The following ZDHHC16 variants were observed in gnomAD, a reference collection of about 807,000 sequenced individuals.
The protein encoded by ZDHHC16 is palmitoyltransferase ZDHHC16.
In ZDHHC16, 33 loss-of-function variants were observed where a neutral mutation model predicts 54.4. The observed-to-expected ratio is 0.61, with a 90% CI of 0.46 to 0.81. ZDHHC16 has a LOEUF of 0.81. Ranked by LOEUF, ZDHHC16 falls within the 30% of genes least tolerant of loss-of-function variation. The pLI, the probability that ZDHHC16 is intolerant of heterozygous loss-of-function variation, is 0.00. For synonymous variants in ZDHHC16, 185 were observed against 182.1 expected, an observed-to-expected ratio of 1.02 and a Z score of -0.13; for missense variants, 420 against 485.9, an observed-to-expected ratio of 0.86 and a Z score of 1.28.
At position 97,455,603 on chromosome 10, in the gene ZDHHC16, C is replaced by T. The variant is rs773853706; in HGVS notation, c.825-57C>T. On this transcript the variant is annotated intron_variant, in intron 9 of 11. Coordinates refer to ENST00000393760, the MANE Select transcript of ZDHHC16 (RefSeq NM_198046.3). ...TGTTACTGCTTAGCTCAATTTCAGACATACTTCCTCCAGCCCTCTCTAAAC... is the reference window on the plus strand; with the variant it reads ...TGTTACTGCTTAGCTCAATTTCAGATATACTTCCTCCAGCCCTCTCTAAAC... The T allele has an allele frequency of 1.8e-5, 29 of 1,613,516 alleles. No individual in the cohort carries two copies. In the East Asian group the frequency reaches 3.6e-4, roughly 20 times the overall value.
Position 97,452,436 on chromosome 10 carries a change from G to A in ZDHHC16, c.460G>A (p.Val154Ile), listed in dbSNP as rs141602921. Residue 154 changes from valine to isoleucine, a missense_variant, in exon 5 of 12, where the codon GTC (valine) becomes ATC (isoleucine). By Grantham distance (29) the Val-to-Ile change is conservative. Coordinates refer to ENST00000393760, the MANE Select transcript of ZDHHC16 (RefSeq NM_198046.3). ...PPQGRNDIATVSICKKCIYPK... is the reference protein window; with the variant it reads ...PPQGRNDIATISICKKCIYPK... ...ACAGGGCAGGAATGATATCGCCACC[G>A]TCTCCATCTGTAAGAAGTGCATTTA... The A allele has an allele frequency of 1.9e-5, 30 of 1,614,164 alleles. No individual in the cohort carries two copies. The highest frequency in any genetic ancestry group is 1.6e-4 in the African/African-American group (12 of 75,040).
chr10:97,451,788 G>A lies in ZDHHC16; in HGVS notation c.113G>A (p.Arg38His), dbSNP rs139088337. ...CCTCTACTCCGGGGTCTAGTACAGC[G>A]CTGGCGCTACGGCAAGGTCTGCCTG... ...CPPLLRGLVQRWRYGKVCLRS... is the reference protein window; with the variant it reads ...CPPLLRGLVQHWRYGKVCLRS... Residue 38 changes from arginine to histidine, a missense_variant, in exon 3 of 12, where the codon CGC becomes CAC. Arg to His is a conservative substitution (Grantham distance 29, BLOSUM62 0). Transcript: ENST00000393760. The A allele has an allele frequency of 2.7e-5, 43 of 1,614,056 alleles. No individual in the cohort carries two copies. In the African/African-American group the frequency reaches 4.4e-4, roughly 17 times the overall value.
intron 5 of ZDHHC16, 183 bp downstream of exon 5, chr10:97,452,686 G>C: frequency 3.3e-6 from 3 of 919,590 alleles, no homozygotes; most frequent in Non-Finnish European, 3.3e-6. Context: ...ATTACCACTT[G>C]TGAAAACCGA....
intron 1 of ZDHHC16, 125 bp downstream of exon 1, chr10:97,446,478 C>G (rs1421732165): frequency 5.6e-6 from 1 of 178,266 alleles, no homozygotes; most frequent in Non-Finnish European, 1.2e-5. Context: ...CGGGGCCGTG[C>G]CCTCCTCAGC....
intron 9 of ZDHHC16, among the ~76,000 whole-genome samples, chr10:97,455,185 T>C (rs1289233304): frequency 6.6e-6 from 1 of 152,220 alleles, no homozygotes. Flanking sequence ...GCACTGGAAT[T>C]TGAATTTCAT....
At chr10:97,449,529 G>T (rs1366462911) in intron 1 of ZDHHC16, among the ~76,000 whole-genome samples, 2 of 152,096 alleles carry the variant, frequency 1.3e-5, no homozygotes, top group Non-Finnish European at 2.9e-5. Flanking sequence ...GTTTGAGCGT[G>T]AGCTTTTAAT....
At chr10:97,449,649 C>T (rs1320117637) in intron 1 of ZDHHC16, among the ~76,000 whole-genome samples, 2 of 152,080 alleles carry the variant, frequency 1.3e-5, no homozygotes, top group Non-Finnish European at 2.9e-5. Context: ...CTGCCTCAGG[C>T]TCCCAAGTAG....
chr10:97,452,167 C>T lies in ZDHHC16; in HGVS notation c.321C>T (p.Leu107=), dbSNP rs975355893. The T allele has an allele frequency of 1.9e-6, 3 of 1,614,118 alleles. No individual in the cohort carries two copies. The highest frequency in any genetic ancestry group is 2.5e-6 in the Non-Finnish European group (3 of 1,180,032). The change falls in exon 4 of 12, where the codon CTC becomes CTT. Residue 107 remains leucine, a synonymous_variant. Coordinates refer to ENST00000393760, the MANE Select transcript of ZDHHC16 (RefSeq NM_198046.3). ...IAYLCVLPLI[L]RTYSVPRLCW... is the part of the protein sequence containing the mutation. ...ACCTGTGTGTCCTGCCTCTCATCCT[C>T]CGAACCTACTCAGTGCCACGACTCT...
At chr10:97,449,371 T>G (rs1287461967) in intron 1 of ZDHHC16, among the ~76,000 whole-genome samples, 1 of 152,174 alleles carries the variant, frequency 6.6e-6, no homozygotes, top group Non-Finnish European at 1.5e-5. Flanking sequence ...AGAAAGGGAA[T>G]GAACAGCAGT....
Position 97,451,704 on chromosome 10 carries a change from G to T in ZDHHC16, c.29G>T (p.Gly10Val), listed in dbSNP as rs1386650598. The T allele has an allele frequency of 6.2e-7, 1 of 1,611,822 alleles. No individual in the cohort carries two copies. Among genetic ancestry groups the T allele is most frequent in the East Asian group, 2.2e-5 (1 of 44,878 alleles). Residue 10 changes from glycine (G) to valine (V), a missense_variant, in exon 3 of 12, where the codon GGC (glycine) becomes GTC (valine). Physicochemically the swap from Gly to Val is moderately radical, Grantham distance 109. Transcript: ENST00000393760. ...CGAGGCCAGCGGAGCCTGCTGCTGG[G>T]CCCGGCCCGCCTCTGCCTCCGCCTC... The part of the protein sequence containing the change: MRGQRSLLL[G>V]PARLCLRLLL...
chr10:97,450,906 C>T (rs996404174), intron 2 of ZDHHC16: 1 of 152,256 alleles, frequency 6.6e-6, no homozygotes, highest in African/African-American at 2.4e-5. Context: ...GCTCAGAATA[C>T]CTGGAGTTGT....
chr10:97,452,089 GGTGTTC>G lies in ZDHHC16; in HGVS notation c.247_252del (p.Phe83_Val84del). On this transcript the variant is annotated inframe_deletion and splice_region_variant, in exon 4 of 12. Coordinates refer to ENST00000393760, the MANE Select transcript of ZDHHC16 (RefSeq NM_198046.3). ...CTCCCTGACCTTGCTGGTGTTGGCA[GGTGTTC>G]GTGGTCCTGGTGATCGTGCTGACAG... 1 of 1,613,788 alleles carries G rather than the reference GGTGTTC, an allele frequency of 6.2e-7. No individual in the cohort carries two copies.
At chr10:97,452,824 T>C in intron 5 of ZDHHC16, 71 bp from the exon 6 acceptor site, 2 of 1,601,460 alleles carry the variant, frequency 1.2e-6, no homozygotes, top group Non-Finnish European at 1.7e-6. Context: ...CTGGTCCTTG[T>C]AGGGAAGGAT....
chr10:97,455,645 C>T lies in ZDHHC16; in HGVS notation c.825-15C>T. On this transcript the variant is annotated splice_polypyrimidine_tract_variant and intron_variant, in intron 9 of 11. Coordinates refer to ENST00000393760, the MANE Select transcript of ZDHHC16 (RefSeq NM_198046.3). ...TCTCTAAACTACCCACCAGTCTTCG[C>T]CCCTCTTTTCTTAGTTCTGTGGCAC... 6.2e-7 allele frequency: 1 copy of T among 1,614,212 alleles called. No individual in the cohort carries two copies. The highest frequency in any genetic ancestry group is 8.5e-7 in the Non-Finnish European group (1 of 1,180,022).
chr10:97,451,600 C>G lies in ZDHHC16; in HGVS notation c.-5-71C>G, dbSNP rs568700214. Reference sequence around the variant, plus strand: ...GGTCTTTGCCCTCCAAGTGAGTACTCTAGGCCTTCCCACTAGCGGGGTAGG... The same window carrying G: ...GGTCTTTGCCCTCCAAGTGAGTACTGTAGGCCTTCCCACTAGCGGGGTAGG... On this transcript the variant is annotated intron_variant, in intron 2 of 11. Coordinates refer to ENST00000393760, the MANE Select transcript of ZDHHC16 (RefSeq NM_198046.3). The G allele has an allele frequency of 3.2e-6, 5 of 1,551,506 alleles. No homozygotes were observed. The East Asian group carries it at 9.0e-5, about 28-fold the overall frequency.
At chr10:97,451,971 A>C in intron 3 of ZDHHC16, 53 bp downstream of exon 3, 2 of 1,590,876 alleles carry the variant, frequency 1.3e-6, no homozygotes, top group Non-Finnish European at 1.7e-6. Context: ...GCAGAGGGAC[A>C]TGTCTCTCAC....
rs1414498955 is a variant in ZDHHC16, at chr10:97,457,167, T to A, written c.*276T>A. 3 of 221,592 alleles carry A rather than the reference T, an allele frequency of 1.4e-5. No individual in the cohort carries two copies. Among genetic ancestry groups the A allele is most frequent in the Non-Finnish European group, 2.7e-5 (3 of 111,320 alleles). 13.7% of individuals were successfully genotyped at this position (221,592 alleles called of 1,614,324 possible). ...GCAGCTAGCTACCTACCTTGCCCAG[T>A]GCTGACCCGGACCTCCTCCAGGATA... On this transcript the variant is annotated 3_prime_UTR_variant, in exon 12 of 12. Coordinates refer to ENST00000393760, the MANE Select transcript of ZDHHC16 (RefSeq NM_198046.3).
chr10:97,450,120 C>T (rs1193498612), intron 1 of ZDHHC16, among the ~76,000 whole-genome samples: 1 of 151,906 alleles, frequency 6.6e-6, no homozygotes, highest in Non-Finnish European at 1.5e-5. Flanking sequence ...ATCCACCCGC[C>T]TCGGCCTCCC....
intron 2 of ZDHHC16, chr10:97,450,974 C>A (rs1443027324): frequency 1.3e-5 from 2 of 152,268 alleles, no homozygotes; most frequent in Non-Finnish European, 2.9e-5. Flanking sequence ...AAAGCATTTT[C>A]TGTCATGCAA....
Sources: gnomAD v4.1 joint callset for allele counts (sites outside exome capture counted in the v4.1 genomes callset) on GRCh38, gnomAD v4.1.1 for gene constraint, MANE v1.5 for transcripts, NCBI Gene and HGNC (gene_info 2026-07-23, HGNC 2026-07-21) for gene names.